Variants in EEF2 observed in about 807,000 individuals in gnomAD.
The protein encoded by EEF2 is eukaryotic translation elongation factor 2.
A neutral mutation model predicts 85.3 loss-of-function variants in EEF2; 21 were observed. That is an observed-to-expected ratio of 0.25 (90% CI 0.17 to 0.35). EEF2 has a LOEUF of 0.35. EEF2 is among the 10% of genes least tolerant of loss of function. The probability of loss-of-function intolerance (pLI) is 1.00; values close to 1 mark genes in which losing one functional copy is unlikely to be tolerated. For missense variants in EEF2, 825 were observed against 1,225.3 expected, an observed-to-expected ratio of 0.67 and a Z score of 4.88; for synonymous variants, 723 against 508.8, an observed-to-expected ratio of 1.42 and a Z score of -5.67.
rs772708961 is a variant in EEF2, at chr19:3,976,583, C to T, written c.2548G>A (p.Ala850Thr). The part of the protein sequence containing the change: ...KRKGLKEGIP[A>T]LDNFLDKL Reference sequence around the variant, plus strand: ...AATTTGTCCAGGAAGTTGTCCAGGGCAGGGATGCCTTCTTTCAGGCCCTTG... The same window carrying T: ...AATTTGTCCAGGAAGTTGTCCAGGGTAGGGATGCCTTCTTTCAGGCCCTTG... The change falls in exon 15 of 15, where the codon GCC becomes ACC. Residue 850 changes from alanine (A) to threonine (T), a missense_variant. Ala to Thr is a moderately conservative substitution (Grantham distance 58). Coordinates refer to ENST00000309311, the MANE Select transcript of EEF2 (RefSeq NM_001961.4). 3 of 1,609,892 alleles carry T rather than the reference C, an allele frequency of 1.9e-6. No individual in the cohort carries two copies. The highest frequency in any genetic ancestry group is 2.5e-6 in the Non-Finnish European group (3 of 1,178,360).
intron 5 of EEF2, 66 bp from the exon 6 acceptor site, chr19:3,982,118 G>A: frequency 7.5e-6 from 12 of 1,596,498 alleles, no homozygotes; most frequent in Non-Finnish European, 8.6e-6. Flanking sequence ...GAGGGTGGTC[G>A]CCAAGGGGAC....
intron 8 of EEF2, 46 bp from the exon 9 acceptor site, chr19:3,980,755 G>GC (rs1238013873): frequency 6.2e-7 from 1 of 1,602,160 alleles, no homozygotes. Flanking sequence ...GTGCAGCTCA[G>GC]CCTTCTGGAA....
intron 8 of EEF2, 25 bp downstream of exon 8, chr19:3,980,816 G>A (rs781638543): frequency 1.9e-6 from 3 of 1,579,480 alleles, no homozygotes; most frequent in Non-Finnish European, 1.7e-6. Flanking sequence ...CTGCATCTCA[G>A]GGCCCGGCCA....
rs2039677700 is a variant in EEF2 at position 3,976,192 on chromosome 19, CT to C, written c.*361del. The C allele has an allele frequency of 3.9e-6, 1 of 259,592 alleles. No individual in the cohort carries two copies. Among genetic ancestry groups the C allele is most frequent in the Admixed American group, 5.1e-5 (1 of 19,678 alleles). 16.1% of individuals were successfully genotyped at this position (259,592 alleles called of 1,614,324 possible). ...TTTCCCCTTTCTGGGGCAAAAGCCA[CT>C]GCGGGCCATGTACCCAAATAAACCT... On this transcript the variant is annotated 3_prime_UTR_variant, in exon 15 of 15. Coordinates refer to ENST00000309311, the MANE Select transcript of EEF2 (RefSeq NM_001961.4).
intron 2 of EEF2, chr19:3,983,825 G>C (rs2039785919): frequency 2.3e-6 from 1 of 442,166 alleles, no homozygotes; most frequent in South Asian, 2.4e-5. Context: ...CCAAGCACTA[G>C]AACACCCTCC....
At chr19:3,982,757 C>T in intron 4 of EEF2, 50 bp downstream of exon 4, 2 of 1,566,732 alleles carry the variant, frequency 1.3e-6, no homozygotes, top group Non-Finnish European at 1.7e-6. Context: ...CCACCGGCTC[C>T]TGCAGATCCC....
intron 10 of EEF2, 138 bp downstream of exon 10, chr19:3,979,670 C>G (rs1356834612): frequency 8.1e-6 from 11 of 1,357,280 alleles, no homozygotes; most frequent in Middle Eastern, 2.5e-4. Context: ...TCTCCATTTA[C>G]AGCCACAGCC....
chr19:3,978,176 C>G lies in EEF2; in HGVS notation c.1714-4G>C, dbSNP rs2039700403. 1 of 1,441,336 alleles carries G rather than the reference C, an allele frequency of 6.9e-7. No homozygotes were observed. Among genetic ancestry groups the G allele is most frequent in the African/African-American group, 1.4e-5 (1 of 69,674 alleles). The allele number at this position is 1,441,336 out of a possible 1,614,324, so 89.3% of individuals were successfully genotyped here. ...ACGAGACGACCGGGTCAGATTTCTG[C>G]AAAAAGAGGTTAAGTCCCACTCTTG... On this transcript the variant is annotated splice_polypyrimidine_tract_variant and splice_region_variant and intron_variant, in intron 11 of 14. Coordinates refer to ENST00000309311, the MANE Select transcript of EEF2 (RefSeq NM_001961.4).
rs2039688464 is a variant in EEF2 at position 3,977,156 on chromosome 19, G to T, written c.2383+59C>A. 1.9e-6 allele frequency: 3 copies of T among 1,587,448 alleles called. No individual in the cohort carries two copies. Among genetic ancestry groups the T allele is most frequent in the Admixed American group, 1.7e-5 (1 of 58,118 alleles). ...TTAACACCTTGCTAAGCTTAACTGG[G>T]CTTCTGTCCCCCAAACCAGCCTGCC... On this transcript the variant is annotated intron_variant, in intron 14 of 14. Transcript: ENST00000309311. This position sits in a 1 kb window ranked among gnomAD's most constrained non-coding sequence, Gnocchi z 5.4.
chr19:3,977,635 C>A lies in EEF2; in HGVS notation c.2068-25G>T. 1 of 1,500,668 alleles carries A rather than the reference C, an allele frequency of 6.7e-7. No homozygotes were observed. The allele number at this position is 1,500,668 out of a possible 1,614,324, so 93.0% of individuals were successfully genotyped here. ...CCTGGGGGAGGGGGAGAGCCACCGT[C>A]AAGGGCCGGACACACCTCGGCTGCT... On this transcript the variant is annotated intron_variant, in intron 12 of 14. Transcript: ENST00000309311. The surrounding 1 kb of genome is among the most constrained non-coding windows in gnomAD (Gnocchi z 5.4).
intron 11 of EEF2, 128 bp downstream of exon 11, chr19:3,979,201 A>G: frequency 1.5e-6 from 1 of 679,188 alleles, no homozygotes; most frequent in South Asian, 2.0e-5. Context: ...AACTTGAGGA[A>G]CTTAAGAAGC....
chr19:3,982,573 AG>A (rs34755178), intron 4 of EEF2, 149 bp from the exon 5 acceptor site: 4 of 1,164,856 alleles, frequency 3.4e-6, no homozygotes, highest in Admixed American at 3.5e-5. Flanking sequence ...CATCACGAAT[AG>A]GGGGGCCAGC....
chr19:3,981,241 C>T (rs2039742187), intron 7 of EEF2, 98 bp downstream of exon 7: 5 of 1,238,736 alleles, frequency 4.0e-6, no homozygotes, highest in African/African-American at 3.0e-5. Context: ...GCTGTCCCTG[C>T]CCAGCTGAGG....
At chr19:3,985,218 A>T in intron 1 of EEF2, 160 bp downstream of exon 1, 1 of 746,424 alleles carries the variant, frequency 1.3e-6, no homozygotes, top group Non-Finnish European at 1.9e-6. Context: ...CGCGGCGCAC[A>T]GACATGGCGG....
chr19:3,985,441 T>C lies in EEF2; in HGVS notation c.-61A>G, dbSNP rs529755390. 5.7e-5 allele frequency: 83 copies of C among 1,446,038 alleles called. No individual in the cohort carries two copies. The highest frequency in any genetic ancestry group is 2.0e-4 in the African/African-American group (14 of 68,532). 89.6% of individuals were successfully genotyped at this position (1,446,038 alleles called of 1,614,324 possible). On this transcript the variant is annotated 5_prime_UTR_variant, in exon 1 of 15. Transcript: ENST00000309311. ...CGAAAGAAGCGAGTCGCGCCGAGGA[T>C]GGCGGCGACGACGGCGGAAGAGAAC...
In EEF2 at chr19:3,984,210, C is replaced by A. The variant is rs755808345; in HGVS notation, c.144G>T (p.Ser48=). ...SLVCKAGIIA[S]ARAGETRFTD... ...TGAAGCGTGTCTCCCCGGCCCGGGC[C>A]GAGGCGATGATGCCCGCCTTGCACA... The change falls in exon 2 of 15, where the codon TCG becomes TCT. Residue 48 remains serine (S), a synonymous_variant. Coordinates refer to ENST00000309311, the MANE Select transcript of EEF2 (RefSeq NM_001961.4). 1.2e-6 allele frequency: 2 copies of A among 1,614,078 alleles called. No homozygotes were observed. Among genetic ancestry groups the A allele is most frequent in the African/African-American group, 1.3e-5 (1 of 75,056 alleles).
At chr19:3,984,838 C>A (rs1210869238) in intron 1 of EEF2, 1 of 180,748 alleles carries the variant, frequency 5.5e-6, no homozygotes, top group East Asian at 1.5e-4. Flanking sequence ...TGCCACAAGC[C>A]TACACCTCGT....
At chr19:3,979,758 GCC>G in intron 10 of EEF2, 48 bp downstream of exon 10, 1 of 1,584,344 alleles carries the variant, frequency 6.3e-7, no homozygotes, top group Non-Finnish European at 8.6e-7. Context: ...CAGGACACAA[GCC>G]GTCCCCCCTC....
chr19:3,976,785 A>T lies in EEF2; in HGVS notation c.2384-38T>A, dbSNP rs1325718690. ...GCGAGAGGCTCACTGGGCCATCGAG[A>T]AGGTGGCAGGGCAGAAGGAAAGTCC... On this transcript the variant is annotated intron_variant, in intron 14 of 14. Coordinates refer to ENST00000309311, the MANE Select transcript of EEF2 (RefSeq NM_001961.4). 3 of 1,492,960 alleles carry T rather than the reference A, an allele frequency of 2.0e-6. No homozygotes were observed. In the East Asian group the frequency reaches 7.1e-5, roughly 35 times the overall value. The allele number at this position is 1,492,960 out of a possible 1,614,324, so 92.5% of individuals were successfully genotyped here.
Sources: allele counts gnomAD v4.1 joint callset, GRCh38; gene constraint gnomAD v4.1.1; non-coding constraint Gnocchi (gnomAD v3.1); transcripts MANE v1.5; gene names NCBI Gene and HGNC (gene_info 2026-07-23, HGNC 2026-07-21).